HSPBP1: variants seen among roughly 807,000 people sequenced by gnomAD.
The protein encoded by HSPBP1 is hsp70-binding protein 1.
Under a neutral mutation model 41.7 loss-of-function variants are expected in HSPBP1, and 31 were observed. The observed-to-expected ratio is 0.74, with a 90% CI of 0.56 to 1.00. The LOEUF (loss-of-function observed/expected upper bound fraction) is 1.00, where lower values mean the gene tolerates loss of function less well. HSPBP1 is among the 50% of genes least tolerant of loss of function. The pLI, the probability that HSPBP1 is intolerant of heterozygous loss-of-function variation, is 0.00. For synonymous variants in HSPBP1, 199 were observed against 214.4 expected (o/e 0.93, Z 0.63); for missense variants, 439 against 487.9 (o/e 0.90, Z 0.94).
intron 4 of HSPBP1, among the ~76,000 whole-genome samples, chr19:55,273,031 C>T (rs1011011324): frequency 2.0e-5 from 3 of 152,138 alleles, no homozygotes; most frequent in Admixed American, 2.0e-4. Flanking sequence ...AGGTCTTGCT[C>T]TGTCACGCAG....
At chr19:55,262,772 T>G in intron 7 of HSPBP1, 90 bp from the exon 8 acceptor site, 1 of 1,227,942 alleles carries the variant, frequency 8.1e-7, no homozygotes, top group South Asian at 1.3e-5. Flanking sequence ...GTGACTCCTC[T>G]TCTCTCCTGG....
chr19:55,265,053 G>A (rs2087735897), intron 7 of HSPBP1, among the ~76,000 whole-genome samples: 1 of 139,068 alleles, frequency 7.2e-6, no homozygotes. Context: ...CCCTCCCCCG[G>A]CACACGATCC....
chr19:55,267,849 A>AGGCT (rs1461228063), intron 4 of HSPBP1, among the ~76,000 whole-genome samples: 1 of 152,228 alleles, frequency 6.6e-6, no homozygotes, highest in African/African-American at 2.4e-5. Flanking sequence ...CTAAAGAGCC[A>AGGCT]GGCTACACAG....
intron 4 of HSPBP1, among the ~76,000 whole-genome samples, chr19:55,269,163 G>A (rs914356513): frequency 2.0e-5 from 3 of 152,038 alleles, no homozygotes; most frequent in African/African-American, 7.2e-5. Flanking sequence ...GATCATTCTG[G>A]GTTGGGAGGC....
intron 5 of HSPBP1, 21 bp from the exon 6 acceptor site, chr19:55,266,003 G>A: frequency 6.3e-7 from 1 of 1,582,992 alleles, no homozygotes. Context: ...GGCTGCAGGG[G>A]TCAGAGGGGC....
intron 4 of HSPBP1, among the ~76,000 whole-genome samples, chr19:55,267,330 T>C (rs1263797237): frequency 1.3e-5 from 2 of 152,102 alleles, no homozygotes; most frequent in Non-Finnish European, 2.9e-5. Flanking sequence ...TTTGTATATA[T>C]AGTAGAGACA....
intron 2 of HSPBP1, among the ~76,000 whole-genome samples, chr19:55,278,700 C>T (rs1043845500): frequency 1.3e-5 from 2 of 151,858 alleles, no homozygotes; most frequent in African/African-American, 2.4e-5. Context: ...GATCACTTGA[C>T]GCCAGGAGTT....
chr19:55,265,683 T>C (rs756814218), intron 6 of HSPBP1, among the ~76,000 whole-genome samples: 4 of 151,890 alleles, frequency 2.6e-5, no homozygotes, highest in Non-Finnish European at 5.9e-5. Context: ...GAAGCCTCTC[T>C]CCCTCCTGCA....
intron 4 of HSPBP1, among the ~76,000 whole-genome samples, chr19:55,271,467 T>G (rs1411969274): frequency 6.6e-6 from 1 of 152,216 alleles, no homozygotes; most frequent in Non-Finnish European, 1.5e-5. Flanking sequence ...TCCTTCTCTC[T>G]GCCCTTTGTG....
intron 4 of HSPBP1, among the ~76,000 whole-genome samples, chr19:55,269,866 T>C (rs1384388253): frequency 6.6e-6 from 1 of 152,094 alleles, no homozygotes; most frequent in Non-Finnish European, 1.5e-5. Flanking sequence ...TGGGTGACAA[T>C]GAGGTGTCCA....
At chr19:55,269,349 A>C (rs1311670053) in intron 4 of HSPBP1, among the ~76,000 whole-genome samples, 2 of 151,990 alleles carry the variant, frequency 1.3e-5, no homozygotes, top group African/African-American at 4.8e-5. Flanking sequence ...CACAACCTTG[A>C]TCTCTTGCCT....
At position 55,279,890 on chromosome 19, in the gene HSPBP1, C is replaced by T. The variant is rs903836418; in HGVS notation, c.-95+145G>A. On this transcript the variant is annotated intron_variant, in intron 1 of 7. Transcript: ENST00000433386. ...CCCACTCTCCCTGGCAACAACCCCC[C>T]TTCCCCATCTCCACTGCGTGCGTCC... 1.0e-5 allele frequency: 6 copies of T among 592,734 alleles called. No homozygotes were observed. The Admixed American group carries it at 1.2e-4, about 12-fold the overall frequency. 36.7% of individuals were successfully genotyped at this position (592,734 alleles called of 1,614,324 possible).
chr19:55,267,384 A>G (rs1012346102), intron 4 of HSPBP1, among the ~76,000 whole-genome samples: 3 of 151,346 alleles, frequency 2.0e-5, no homozygotes, highest in Admixed American at 6.6e-5. Context: ...CTCCTGACCT[A>G]AAGTGATCCA....
In HSPBP1 at chr19:55,279,431, G is replaced by A; in HGVS notation, c.178C>T (p.Pro60Ser). ...CTCATCGGTTCTGGAGGAGGGTCTG[G>A]CTCTTCAGAGCCCGCGGTGATGGCC... Reference protein sequence around the residue: ...QMAITAGSEEPDPPPEPMSEE... With the variant: ...QMAITAGSEESDPPPEPMSEE... Residue 60 changes from proline (P) to serine (S), a missense_variant, in exon 2 of 8, where the codon CCA becomes TCA. By Grantham distance (74) the Pro-to-Ser change is moderately conservative. Coordinates refer to ENST00000433386, the MANE Select transcript of HSPBP1 (RefSeq NM_012267.5). The A allele has an allele frequency of 6.2e-7, 1 of 1,602,676 alleles. No individual in the cohort carries two copies. The highest frequency in any genetic ancestry group is 8.5e-7 in the Non-Finnish European group (1 of 1,177,436).
intron 7 of HSPBP1, 62 bp downstream of exon 7, chr19:55,265,216 G>A: frequency 9.0e-7 from 1 of 1,107,734 alleles, no homozygotes; most frequent in Non-Finnish European, 1.3e-6. Context: ...AGTCCTCCTG[G>A]AGCCCTTGTC....
In HSPBP1 at chr19:55,265,405, C is replaced by CA; in HGVS notation, c.894-17dup. 3.1e-6 allele frequency: 5 copies of CA among 1,608,244 alleles called. No homozygotes were observed. The highest frequency in any genetic ancestry group is 4.3e-6 in the Non-Finnish European group (5 of 1,175,520). ...TGTCACCAGGCTGTGAGGGACATGA[C>CA]AGCGGCCCTTAGGACCTCCCTCTAG... On this transcript the variant is annotated splice_polypyrimidine_tract_variant and intron_variant, in intron 6 of 7. Transcript: ENST00000433386.
intron 7 of HSPBP1, 77 bp from the exon 8 acceptor site, chr19:55,262,759 G>C: frequency 7.2e-7 from 1 of 1,386,386 alleles, no homozygotes; most frequent in Non-Finnish European, 1.0e-6. Flanking sequence ...TTGGCACCCA[G>C]AGGTGACTCC....
rs59561808 is a variant in HSPBP1 at position 55,276,104 on chromosome 19, CAAAAAA to C, written c.416-1488_416-1483del. Among the ~76,000 whole-genome samples the C allele has an allele frequency of 1.5e-4, 10 of 66,002 alleles. No individual in the cohort carries two copies. The South Asian group carries it at 4.7e-3, about 31-fold the overall frequency. The allele number at this position is 66,002 out of a possible 152,430, so 43.3% of individuals were successfully genotyped here. A position where few individuals can be genotyped will look rare whatever the true frequency, so the allele number is the denominator to read the frequency against. On this transcript the variant is annotated intron_variant, in intron 3 of 7. Transcript: ENST00000433386. ...TGCACTCCAGCCTGGGAGACTGACTCAAAAAAAAAAAAAAAAAAAAAAGGAATAAAG... is the reference window on the plus strand; with the variant it reads ...TGCACTCCAGCCTGGGAGACTGACTCAAAAAAAAAAAAAAAAGGAATAAAG...
At chr19:55,273,162 TA>T (rs1388176497) in intron 4 of HSPBP1, among the ~76,000 whole-genome samples, 7 of 152,064 alleles carry the variant, frequency 4.6e-5, no homozygotes, top group Non-Finnish European at 7.4e-5. Flanking sequence ...GCTAATTTTT[TA>T]ATTTTTGTAG....
Sources: allele counts gnomAD v4.1 joint callset (sites outside exome capture counted in the v4.1 genomes callset), GRCh38; gene constraint gnomAD v4.1.1; transcripts MANE v1.5; gene names NCBI Gene and HGNC (gene_info 2026-07-23, HGNC 2026-07-21).